Variants in THSD7A observed in about 807,000 individuals in gnomAD.
The protein encoded by THSD7A is thrombospondin type-1 domain-containing protein 7A.
Under a neutral mutation model 231.3 loss-of-function variants are expected in THSD7A, and 96 were observed. That is an observed-to-expected ratio of 0.41 (90% CI 0.35 to 0.49). The LOEUF is 0.49. Ranked by LOEUF, THSD7A falls within the 20% of genes least tolerant of loss-of-function variation. The pLI, the probability that THSD7A is intolerant of heterozygous loss-of-function variation, is 0.05. For synonymous variants in THSD7A, 940 were observed against 743.3 expected, an observed-to-expected ratio of 1.26 and a Z score of -4.30; for missense variants, 2,290 against 2,070.2, an observed-to-expected ratio of 1.11 and a Z score of -2.06.
At chr7:11,594,402 GT>G (rs1244277164) in intron 2 of THSD7A, among the ~76,000 whole-genome samples, 26 of 152,136 alleles carry the variant, frequency 1.7e-4, no homozygotes, top group African/African-American at 6.3e-4. Flanking sequence ...TCTTTCATTG[GT>G]TTTGGGATTT....
intron 1 of THSD7A, chr7:11,751,071 T>A (rs142171625): frequency 2.0e-5 from 3 of 152,158 alleles, no homozygotes; most frequent in Non-Finnish European, 4.4e-5. Flanking sequence ...AAACATGTTC[T>A]TGAGCTGAGT....
At chr7:11,708,721 A>G (rs1780851042) in intron 1 of THSD7A, among the ~76,000 whole-genome samples, 1 of 150,784 alleles carries the variant, frequency 6.6e-6, no homozygotes, top group Admixed American at 6.6e-5. Context: ...TTCAGCTGAT[A>G]ATGCTCTGCT....
chr7:11,471,936 C>T (rs1785955911), intron 8 of THSD7A, among the ~76,000 whole-genome samples: 1 of 152,106 alleles, frequency 6.6e-6, no homozygotes, highest in Admixed American at 6.6e-5. Flanking sequence ...GAGAGCATTA[C>T]TCAGTTGCAT....
At chr7:11,385,147 T>C (rs1782679543) in intron 23 of THSD7A, 1 of 152,084 alleles carries the variant, frequency 6.6e-6, no homozygotes, top group South Asian at 2.1e-4. Flanking sequence ...ATTTTGTGTA[T>C]TGGTTTTTAA....
intron 1 of THSD7A, among the ~76,000 whole-genome samples, chr7:11,704,536 G>A (rs921661160): frequency 6.6e-6 from 1 of 150,770 alleles, no homozygotes; most frequent in Non-Finnish European, 1.5e-5. Flanking sequence ...AGACTCTTTG[G>A]AGTCTGTGTG....
chr7:11,637,087 C>G lies in THSD7A; in HGVS notation c.191-126G>C. 1.2e-6 allele frequency: 1 copy of G among 815,090 alleles called. No individual in the cohort carries two copies. Among genetic ancestry groups the G allele is most frequent in the South Asian group, 1.8e-5 (1 of 54,458 alleles). The allele number at this position is 815,090 out of a possible 1,614,324, so 50.5% of individuals were successfully genotyped here. On this transcript the variant is annotated intron_variant, in intron 1 of 27. Coordinates refer to ENST00000423059, the MANE Select transcript of THSD7A (RefSeq NM_015204.3). This position sits in a 1 kb window ranked among gnomAD's most constrained non-coding sequence, Gnocchi z 4.2. Reference sequence around the variant, plus strand: ...CCCTGCGGTGTTACAAAGTAGGTCTCTGGACACGACTGTTGGAAAGTAATG... The same window carrying G: ...CCCTGCGGTGTTACAAAGTAGGTCTGTGGACACGACTGTTGGAAAGTAATG...
At chr7:11,485,120 A>C (rs1307817074) in intron 6 of THSD7A, among the ~76,000 whole-genome samples, 2 of 151,372 alleles carry the variant, frequency 1.3e-5, no homozygotes, top group Non-Finnish European at 2.9e-5. Context: ...CGAACTCCTG[A>C]CCTCATGATC....
At chr7:11,497,658 A>G (rs948826420) in intron 6 of THSD7A, among the ~76,000 whole-genome samples, 3 of 152,202 alleles carry the variant, frequency 2.0e-5, no homozygotes, top group Non-Finnish European at 4.4e-5. Context: ...ACTGTTGACT[A>G]GTAGCCAAGA....
chr7:11,424,060 C>A (rs1784238522), intron 16 of THSD7A, among the ~76,000 whole-genome samples: 1 of 152,132 alleles, frequency 6.6e-6, no homozygotes, highest in Admixed American at 6.5e-5. Flanking sequence ...ATGGAACTTT[C>A]TGCCATTACA....
At chr7:11,675,147 C>T (rs1783584692) in intron 1 of THSD7A, among the ~76,000 whole-genome samples, 1 of 151,978 alleles carries the variant, frequency 6.6e-6, no homozygotes, top group African/African-American at 2.4e-5. Context: ...TGTTGCCTCA[C>T]CCAGGAAGTG....
intron 1 of THSD7A, among the ~76,000 whole-genome samples, chr7:11,768,214 C>T (rs1199098006): frequency 6.6e-6 from 1 of 152,126 alleles, no homozygotes; most frequent in African/African-American, 2.4e-5. Flanking sequence ...TCCTTCTAAA[C>T]TCATTTGCAA....
chr7:11,521,764 C>A (rs1583899563), intron 6 of THSD7A, among the ~76,000 whole-genome samples: 1 of 148,606 alleles, frequency 6.7e-6, no homozygotes, highest in South Asian at 2.1e-4. Flanking sequence ...TAGGGGCAGG[C>A]AGAAAAGAGG....
intron 1 of THSD7A, among the ~76,000 whole-genome samples, chr7:11,684,671 C>T (rs1245254972): frequency 2.0e-5 from 3 of 151,776 alleles, no homozygotes; most frequent in African/African-American, 2.4e-5. Context: ...TACATGTAAC[C>T]AAGCAGGTGA....
At chr7:11,748,194 GTGGGTCATT>G (rs1365825082) in intron 1 of THSD7A, among the ~76,000 whole-genome samples, 5 of 151,944 alleles carry the variant, frequency 3.3e-5, no homozygotes, top group Admixed American at 6.6e-5. Context: ...ATGGAGATGG[GTGGGTCATT>G]TGGAAAATTG....
chr7:11,726,799 A>G (rs2128155573), intron 1 of THSD7A, among the ~76,000 whole-genome samples: 1 of 152,130 alleles, frequency 6.6e-6, no homozygotes, highest in East Asian at 2.0e-4. Context: ...TAGTCTGAAG[A>G]AAATAGCACT....
chr7:11,438,001 G>A (rs990397508), intron 13 of THSD7A, among the ~76,000 whole-genome samples: 1 of 146,452 alleles, frequency 6.8e-6, no homozygotes, highest in Non-Finnish European at 1.5e-5. Context: ...CATCCACGAT[G>A]TATTCCTTTT....
chr7:11,774,330 TG>T (rs1783331063), intron 1 of THSD7A, among the ~76,000 whole-genome samples: 1 of 152,090 alleles, frequency 6.6e-6, no homozygotes. Flanking sequence ...TGCCAGGAGC[TG>T]GGGGAAGGAA....
chr7:11,463,082 A>G (rs142519793), intron 9 of THSD7A, among the ~76,000 whole-genome samples: 300 of 152,328 alleles, frequency 2.0e-3, no homozygotes, highest in African/African-American at 6.7e-3. Context: ...AGATCTTCAA[A>G]TATTTCATAC....
intron 1 of THSD7A, among the ~76,000 whole-genome samples, chr7:11,663,136 T>G (rs537650019): frequency 7.1e-4 from 107 of 151,520 alleles, no homozygotes; most frequent in African/African-American, 2.5e-3. Context: ...TTCATAAATC[T>G]AATTGATAAC....
Sources: allele counts gnomAD v4.1 joint callset (sites outside exome capture counted in the v4.1 genomes callset), GRCh38; gene constraint gnomAD v4.1.1; non-coding constraint Gnocchi (gnomAD v3.1); transcripts MANE v1.5; gene names NCBI Gene and HGNC (gene_info 2026-07-23, HGNC 2026-07-21).